Variants in C11orf87 observed in about 807,000 individuals in gnomAD.
The protein encoded by C11orf87 is uncharacterized protein C11orf87.
A neutral mutation model predicts 9.2 loss-of-function variants in C11orf87; 3 were observed. The observed-to-expected ratio is 0.33, with a 90% confidence interval of 0.15 to 0.84. C11orf87 has a LOEUF of 0.84. Ranked by LOEUF, C11orf87 falls within the 40% of genes least tolerant of loss-of-function variation. The pLI, the probability that C11orf87 is intolerant of heterozygous loss-of-function variation, is 0.55. For missense variants in C11orf87, 256 were observed against 270.7 expected, an observed-to-expected ratio of 0.95 and a Z score of 0.38; for synonymous variants, 124 against 124.6, an observed-to-expected ratio of 1.00 and a Z score of 0.03.
Position 109,422,722 on chromosome 11 carries a change from CTTTTTT to C in C11orf87, c.-260+480_-260+485del, listed in dbSNP as rs772868114. ...TCAGCTGAGAAAGATGCTTCAGCTG[CTTTTTT>C]TTTTTTTTTTTTTTTTTTTTGGAGA... On this transcript the variant is annotated intron_variant, in intron 1 of 1. Transcript: ENST00000327419. Among the ~76,000 whole-genome samples, 38 of 71,420 alleles carry C rather than the reference CTTTTTT, an allele frequency of 5.3e-4. 1 individual carries two copies. Among genetic ancestry groups the C allele is most frequent in the African/African-American group, 1.9e-3 (28 of 14,488 alleles). The allele number at this position is 71,420 out of a possible 152,430, so 46.9% of individuals were successfully genotyped here.
rs1028627676 is a variant in C11orf87 at position 109,428,522 on chromosome 11, G to C, written c.*4295G>C. ...TATGTGGAAGTTACAGGTTAAAGTA[G>C]AACCAGAAATTTTAATATAATCTGA... On this transcript the variant is annotated 3_prime_UTR_variant, in exon 2 of 2. Transcript: ENST00000327419. 1 of 152,106 alleles carries C rather than the reference G, an allele frequency of 6.6e-6. No individual in the cohort carries two copies. The highest frequency in any genetic ancestry group is 6.6e-5 in the Admixed American group (1 of 15,266). The allele number at this position is 152,106 out of a possible 1,614,324, so 9.4% of individuals were successfully genotyped here.
intron 1 of C11orf87, among the ~76,000 whole-genome samples, 170 bp downstream of exon 1, chr11:109,422,433 T>G (rs1009438398): frequency 2.0e-5 from 3 of 152,212 alleles, no homozygotes; most frequent in Non-Finnish European, 4.4e-5. Flanking sequence ...ACCTCGCTAC[T>G]CCGCAGTGCA....
chr11:109,426,260 G>A lies in C11orf87; in HGVS notation c.*2033G>A, dbSNP rs1860571989. 1 of 152,086 alleles carries A rather than the reference G, an allele frequency of 6.6e-6. No individual in the cohort carries two copies. The highest frequency in any genetic ancestry group is 2.4e-5 in the African/African-American group (1 of 41,426). The allele number at this position is 152,086 out of a possible 1,614,324, so 9.4% of individuals were successfully genotyped here. A position where few individuals can be genotyped will look rare whatever the true frequency, so the allele number is the denominator to read the frequency against. On this transcript the variant is annotated 3_prime_UTR_variant, in exon 2 of 2. Coordinates refer to ENST00000327419, the MANE Select transcript of C11orf87 (RefSeq NM_207645.4). ...CAAGAGAGTCCTTACTATCCTGCAG[G>A]GTGTAAGGCAACAGTGCCCCTATGA...
rs1483942210 is a variant in C11orf87 at position 109,425,639 on chromosome 11, CA to C, written c.*1413del. The stretch of plus-strand genomic sequence containing the variant: ...TTGCAAATAATAGAAAAAACACAAC[CA>C]CAGAAACAAACAAATAATGGATGTG... On this transcript the variant is annotated 3_prime_UTR_variant, in exon 2 of 2. Transcript: ENST00000327419. 1 of 160,580 alleles carries C rather than the reference CA, an allele frequency of 6.2e-6. No homozygotes were observed. Among genetic ancestry groups the C allele is most frequent in the Admixed American group, 6.5e-5 (1 of 15,278 alleles). The allele number at this position is 160,580 out of a possible 1,614,324, so 9.9% of individuals were successfully genotyped here.
intron 1 of C11orf87, among the ~76,000 whole-genome samples, chr11:109,422,495 C>T (rs548376580): frequency 1.1e-3 from 165 of 152,308 alleles, no homozygotes; most frequent in African/African-American, 3.7e-3. Flanking sequence ...CTGTGCGCTG[C>T]GGGTCTACCG....
rs1218990281 is a variant in C11orf87 at position 109,427,703 on chromosome 11, T to C, written c.*3476T>C. 1 of 152,162 alleles carries C rather than the reference T, an allele frequency of 6.6e-6. No individual in the cohort carries two copies. Among genetic ancestry groups the C allele is most frequent in the Non-Finnish European group, 1.5e-5 (1 of 68,004 alleles). The allele number at this position is 152,162 out of a possible 1,614,324, so 9.4% of individuals were successfully genotyped here. The stretch of plus-strand genomic sequence containing the variant: ...AAGGTGGCATGCTTGATTCTTATTG[T>C]TTTTAAAAATGAGAAAATTTGGAGA... On this transcript the variant is annotated 3_prime_UTR_variant, in exon 2 of 2. Coordinates refer to ENST00000327419, the MANE Select transcript of C11orf87 (RefSeq NM_207645.4).
rs1017230491 is a variant in C11orf87 at position 109,425,692 on chromosome 11, G to T, written c.*1465G>T. On this transcript the variant is annotated 3_prime_UTR_variant, in exon 2 of 2. Coordinates refer to ENST00000327419, the MANE Select transcript of C11orf87 (RefSeq NM_207645.4). ...AAGAATGCCATCTATTAAAAACATG[G>T]TTAATATTTAAACAGTGCCTGTAGT... 10 of 153,564 alleles carry T rather than the reference G, an allele frequency of 6.5e-5. No homozygotes were observed. The highest frequency in any genetic ancestry group is 2.4e-4 in the African/African-American group (10 of 41,420). The allele number at this position is 153,564 out of a possible 1,614,324, so 9.5% of individuals were successfully genotyped here. A position where few individuals can be genotyped will look rare whatever the true frequency, so the allele number is the denominator to read the frequency against.
Position 109,424,235 on chromosome 11 carries a change from G to A in C11orf87, c.*8G>A. ...ACGGTGGTACTGTCCTGATCGTCTA[G>A]CCCCTCTCGTTCCCCGTCCTCGTTT... On this transcript the variant is annotated 3_prime_UTR_variant, in exon 2 of 2. Coordinates refer to ENST00000327419, the MANE Select transcript of C11orf87 (RefSeq NM_207645.4). This position sits in a 1 kb window ranked among gnomAD's most constrained non-coding sequence, Gnocchi z 4.7. The A allele has an allele frequency of 1.2e-6, 2 of 1,602,834 alleles. No individual in the cohort carries two copies. The highest frequency in any genetic ancestry group is 1.7e-5 in the Admixed American group (1 of 58,288).
rs980456287 is a variant in C11orf87 at position 109,426,556 on chromosome 11, T to C, written c.*2329T>C. The C allele has an allele frequency of 6.6e-6, 1 of 152,222 alleles. No homozygotes were observed. Among genetic ancestry groups the C allele is most frequent in the Admixed American group, 6.5e-5 (1 of 15,282 alleles). The allele number at this position is 152,222 out of a possible 1,614,324, so 9.4% of individuals were successfully genotyped here. On this transcript the variant is annotated 3_prime_UTR_variant, in exon 2 of 2. Transcript: ENST00000327419. ...GGTATAATCTTTGGGTACAATATAT[T>C]AAACAATGAACCAGTTTTTCTCCAG...
chr11:109,422,722 CTTTTTTTTTTTT>C (rs772868114), intron 1 of C11orf87, among the ~76,000 whole-genome samples: 5 of 71,424 alleles, frequency 7.0e-5, no homozygotes, highest in Admixed American at 4.8e-4. Flanking sequence ...GCTTCAGCTG[CTTTTTTTTTTTT>C]TTTTTTTTTT....
At position 109,423,983 on chromosome 11, in the gene C11orf87, G is replaced by T. The variant is rs751649869; in HGVS notation, c.350G>T (p.Arg117Leu). Residue 117 changes from arginine to leucine, a missense_variant, in exon 2 of 2, where the codon CGA becomes CTA. By Grantham distance (102) the Arg-to-Leu change is moderately radical. Transcript: ENST00000327419. The surrounding 1 kb of genome is among the most constrained non-coding windows in gnomAD (Gnocchi z 5.3). ...AGCCGCGGTGGCGGGGGGCTGCCCCGACCTGGCAGGCAGGCCCCAACCCAC... is the reference window on the plus strand; with the variant it reads ...AGCCGCGGTGGCGGGGGGCTGCCCCTACCTGGCAGGCAGGCCCCAACCCAC... ...SGSRGGGGLP[R>L]PGRQAPTHAK... The T allele has an allele frequency of 9.9e-6, 16 of 1,613,342 alleles. No homozygotes were observed. The East Asian group carries it at 2.9e-4, about 29-fold the overall frequency.
At position 109,423,075 on chromosome 11, in the gene C11orf87, C is replaced by T. The variant is rs1307817195; in HGVS notation, c.-259-300C>T. 6.6e-6 allele frequency among the ~76,000 whole-genome samples: 1 copy of T among 152,056 alleles called. No homozygotes were observed. Among genetic ancestry groups the T allele is most frequent in the Non-Finnish European group, 1.5e-5 (1 of 68,010 alleles). On this transcript the variant is annotated intron_variant, in intron 1 of 1. Coordinates refer to ENST00000327419, the MANE Select transcript of C11orf87 (RefSeq NM_207645.4). This position sits in a 1 kb window ranked among gnomAD's most constrained non-coding sequence, Gnocchi z 5.3. ...GTAGGGACTTCAACCAAAGCGGCTGCGTGTCTGTTGCAATTATAAAGTTGT... is the reference window on the plus strand; with the variant it reads ...GTAGGGACTTCAACCAAAGCGGCTGTGTGTCTGTTGCAATTATAAAGTTGT...
At position 109,424,425 on chromosome 11, in the gene C11orf87, C is replaced by T. The variant is rs1267070739; in HGVS notation, c.*198C>T. On this transcript the variant is annotated 3_prime_UTR_variant, in exon 2 of 2. Coordinates refer to ENST00000327419, the MANE Select transcript of C11orf87 (RefSeq NM_207645.4). This position sits in a 1 kb window ranked among gnomAD's most constrained non-coding sequence, Gnocchi z 4.7. ...TGTAAATATTGGGCGAGGAAAGTCT[C>T]GGAAGAAGAAATAACGCTGATAATA... 7.6e-6 allele frequency: 4 copies of T among 523,364 alleles called. No homozygotes were observed. The highest frequency in any genetic ancestry group is 3.8e-5 in the Admixed American group (1 of 26,456). 32.4% of individuals were successfully genotyped at this position (523,364 alleles called of 1,614,324 possible). A position where few individuals can be genotyped will look rare whatever the true frequency, so the allele number is the denominator to read the frequency against.
Position 109,426,759 on chromosome 11 carries a change from T to C in C11orf87, c.*2532T>C, listed in dbSNP as rs1860577927. The C allele has an allele frequency of 6.6e-6, 1 of 152,206 alleles. No individual in the cohort carries two copies. Among genetic ancestry groups the C allele is most frequent in the Non-Finnish European group, 1.5e-5 (1 of 68,022 alleles). 9.4% of individuals were successfully genotyped at this position (152,206 alleles called of 1,614,324 possible). A position where few individuals can be genotyped will look rare whatever the true frequency, so the allele number is the denominator to read the frequency against. On this transcript the variant is annotated 3_prime_UTR_variant, in exon 2 of 2. Coordinates refer to ENST00000327419, the MANE Select transcript of C11orf87 (RefSeq NM_207645.4). ...CATCCAGTGGTAGCTCTTTAATACC[T>C]TATTACAGAATGACTTTTGGACTTG...
Position 109,423,624 on chromosome 11 carries a change from C to A in C11orf87, c.-10C>A. The A allele has an allele frequency of 6.3e-7, 1 of 1,588,238 alleles. No individual in the cohort carries two copies. The highest frequency in any genetic ancestry group is 8.5e-7 in the Non-Finnish European group (1 of 1,174,668). ...GCCTAGTGGGCCTGGCCCCTCCCAG[C>A]CCCGCGCCAATGAGTGCCAGGGCGC... On this transcript the variant is annotated 5_prime_UTR_variant, in exon 2 of 2. Transcript: ENST00000327419. The surrounding 1 kb of genome is among the most constrained non-coding windows in gnomAD (Gnocchi z 5.3).
chr11:109,424,093 C>G lies in C11orf87; in HGVS notation c.460C>G (p.Pro154Ala). ...CGCCTCGTCGTTGTCCTCTTCGTCCCCTGGCCTCCCGTGCCAGGGTCCCTG... is the reference window on the plus strand; with the variant it reads ...CGCCTCGTCGTTGTCCTCTTCGTCCGCTGGCCTCCCGTGCCAGGGTCCCTG... ...SNASSLSSSS[P>A]GLPCQGPCAP... Residue 154 changes from proline (P) to alanine (A), a missense_variant, in exon 2 of 2, where the codon CCT becomes GCT. By Grantham distance (27) the Pro-to-Ala change is conservative. Transcript: ENST00000327419. The surrounding 1 kb of genome is among the most constrained non-coding windows in gnomAD (Gnocchi z 4.7). The G allele has an allele frequency of 6.2e-7, 1 of 1,613,954 alleles. No individual in the cohort carries two copies. The highest frequency in any genetic ancestry group is 8.5e-7 in the Non-Finnish European group (1 of 1,180,040).
Position 109,425,373 on chromosome 11 carries a change from G to A in C11orf87, c.*1146G>A, listed in dbSNP as rs773048975. 3 of 166,458 alleles carry A rather than the reference G, an allele frequency of 1.8e-5. No individual in the cohort carries two copies. Among genetic ancestry groups the A allele is most frequent in the Non-Finnish European group, 4.4e-5 (3 of 68,046 alleles). The allele number at this position is 166,458 out of a possible 1,614,324, so 10.3% of individuals were successfully genotyped here. On this transcript the variant is annotated 3_prime_UTR_variant, in exon 2 of 2. Coordinates refer to ENST00000327419, the MANE Select transcript of C11orf87 (RefSeq NM_207645.4). ...CGTTTGTTTTATTTTTAGAACAAGT[G>A]CACCTTTGTTATATATTTAGTATAT...
In C11orf87 at chr11:109,427,387, T is replaced by G. The variant is rs553472791; in HGVS notation, c.*3160T>G. On this transcript the variant is annotated 3_prime_UTR_variant, in exon 2 of 2. Transcript: ENST00000327419. Reference sequence around the variant, plus strand: ...TTTTTTTATGAGATAGAGAATTACATGAAATTCTAGTAATCCAGTTTCCAC... The same window carrying G: ...TTTTTTTATGAGATAGAGAATTACAGGAAATTCTAGTAATCCAGTTTCCAC... 1 of 152,274 alleles carries G rather than the reference T, an allele frequency of 6.6e-6. No individual in the cohort carries two copies. Among genetic ancestry groups the G allele is most frequent in the African/African-American group, 2.4e-5 (1 of 41,564 alleles). The allele number at this position is 152,274 out of a possible 1,614,324, so 9.4% of individuals were successfully genotyped here.
rs1318237949 is a variant in C11orf87, at chr11:109,425,366, A to G, written c.*1139A>G. The G allele has an allele frequency of 6.0e-6, 1 of 166,970 alleles. No homozygotes were observed. The highest frequency in any genetic ancestry group is 1.5e-5 in the Non-Finnish European group (1 of 68,090). The allele number at this position is 166,970 out of a possible 1,614,324, so 10.3% of individuals were successfully genotyped here. Reference sequence around the variant, plus strand: ...ACTAGAACGTTTGTTTTATTTTTAGAACAAGTGCACCTTTGTTATATATTT... The same window carrying G: ...ACTAGAACGTTTGTTTTATTTTTAGGACAAGTGCACCTTTGTTATATATTT... On this transcript the variant is annotated 3_prime_UTR_variant, in exon 2 of 2. Transcript: ENST00000327419.
Sources: gnomAD v4.1 joint callset for allele counts (sites outside exome capture counted in the v4.1 genomes callset) on GRCh38, gnomAD v4.1.1 for gene constraint, Gnocchi (gnomAD v3.1) non-coding constraint, MANE v1.5 for transcripts, NCBI Gene and HGNC (gene_info 2026-07-23, HGNC 2026-07-21) for gene names.